The following GSTA1 variants were observed in gnomAD, a reference collection of about 807,000 sequenced individuals.
The protein encoded by GSTA1 is glutathione S-transferase alpha 1, also known as glutathione S-transferase A1.
In GSTA1, 23 loss-of-function variants were observed where a neutral mutation model predicts 21.5. That is an observed-to-expected ratio of 1.07 (90% CI 0.77 to 1.52). GSTA1 has a LOEUF of 1.52. GSTA1 is among the 40% of genes most tolerant of loss of function. GSTA1 has a pLI of 0.00. For missense variants in GSTA1, 301 were observed against 264.2 expected (o/e 1.14, Z -0.96); for synonymous variants, 125 against 90.0 (o/e 1.39, Z -2.20).
At chr6:52,796,593 G>T (rs1207899910) in intron 3 of GSTA1, among the ~76,000 whole-genome samples, 5 of 139,160 alleles carry the variant, frequency 3.6e-5, no homozygotes, top group African/African-American at 1.3e-4. Flanking sequence ...ACCCAGGCTG[G>T]AGTGGAGTGG....
chr6:52,799,104 T>A, intron 2 of GSTA1, 77 bp downstream of exon 2: 14 of 1,341,426 alleles, frequency 1.0e-5, no homozygotes, highest in Non-Finnish European at 1.5e-5. Context: ...GTAAGCAACA[T>A]CTCATAGTTT....
At position 52,796,175 on chromosome 6, in the gene GSTA1, A is replaced by G. The variant is rs774140752; in HGVS notation, c.272+7T>C. 1.2e-6 allele frequency: 2 copies of G among 1,612,744 alleles called. No individual in the cohort carries two copies. Among genetic ancestry groups the G allele is most frequent in the South Asian group, 2.2e-5 (2 of 90,974 alleles). ...CTGTGGATGGAAGAACAGAAAATAT[A>G]CCGTACAGGGCTCTCTCCTTTATGT... On this transcript the variant is annotated splice_region_variant and intron_variant, in intron 4 of 6. Coordinates refer to ENST00000334575, the MANE Select transcript of GSTA1 (RefSeq NM_145740.5).
rs905172217 is a variant in GSTA1, at chr6:52,803,663, G to C, written c.-31+122C>G. ...AACTGTCACCCAAGCACACCAAGAC[G>C]GCACAATATGAGTAAAAACAGACTT... is the stretch of plus-strand genomic sequence containing the variant. On this transcript the variant is annotated intron_variant, in intron 1 of 6. Coordinates refer to ENST00000334575, the MANE Select transcript of GSTA1 (RefSeq NM_145740.5). 2.9e-5 allele frequency: 5 copies of C among 170,254 alleles called. No homozygotes were observed. The East Asian group carries it at 4.7e-4, about 16-fold the overall frequency. The allele number at this position is 170,254 out of a possible 1,614,324, so 10.5% of individuals were successfully genotyped here. A position where few individuals can be genotyped will look rare whatever the true frequency, so the allele number is the denominator to read the frequency against.
At chr6:52,800,753 AG>A (rs1335305229) in intron 1 of GSTA1, among the ~76,000 whole-genome samples, 2 of 152,246 alleles carry the variant, frequency 1.3e-5, no homozygotes, top group African/African-American at 4.8e-5. Flanking sequence ...GCCAAGACTT[AG>A]GAACAGTTGC....
At chr6:52,795,202 CA>C (rs1220789395) in intron 4 of GSTA1, among the ~76,000 whole-genome samples, 4 of 152,146 alleles carry the variant, frequency 2.6e-5, no homozygotes, top group African/African-American at 7.2e-5. Context: ...ACATTTCATA[CA>C]AAAAGAATCC....
At chr6:52,794,868 T>C (rs757426917) in intron 4 of GSTA1, among the ~76,000 whole-genome samples, 14 of 152,188 alleles carry the variant, frequency 9.2e-5, no homozygotes, top group Non-Finnish European at 2.1e-4. Flanking sequence ...CCTTCCCTGG[T>C]GAAATTCTCT....
intron 1 of GSTA1, among the ~76,000 whole-genome samples, chr6:52,801,840 A>T (rs998867368): frequency 6.6e-6 from 1 of 152,180 alleles, no homozygotes; most frequent in Non-Finnish European, 1.5e-5. Flanking sequence ...AGATGGGCAC[A>T]CTGAGTTTCA....
chr6:52,791,581 C>A lies in GSTA1; in HGVS notation c.*277G>T. ...CAATTCTTGGAAAAGTCAAACAAAC[C>A]ACATAATCTATAGTTTCCTTTTTTA... On this transcript the variant is annotated 3_prime_UTR_variant, in exon 7 of 7. Coordinates refer to ENST00000334575, the MANE Select transcript of GSTA1 (RefSeq NM_145740.5). 2.9e-6 allele frequency: 1 copy of A among 343,396 alleles called. No individual in the cohort carries two copies. Among genetic ancestry groups the A allele is most frequent in the Non-Finnish European group, 5.3e-6 (1 of 189,238 alleles). 21.3% of individuals were successfully genotyped at this position (343,396 alleles called of 1,614,324 possible).
At chr6:52,802,407 C>A (rs1260996086) in intron 1 of GSTA1, among the ~76,000 whole-genome samples, 1 of 152,140 alleles carries the variant, frequency 6.6e-6, no homozygotes, top group Admixed American at 6.5e-5. Context: ...TCAATTTTCT[C>A]TTCTTAGAAT....
chr6:52,795,793 A>G (rs1461917463), intron 4 of GSTA1, among the ~76,000 whole-genome samples: 2 of 152,030 alleles, frequency 1.3e-5, no homozygotes, highest in East Asian at 1.9e-4. Flanking sequence ...CGTCTTTGCA[A>G]CTTTCCCTCC....
rs1287874909 is a variant in GSTA1, at chr6:52,791,888, T to C, written c.639A>G (p.Leu213=). The change falls in exon 7 of 7, where the codon TTA becomes TTG. Residue 213 remains leucine (L), a synonymous_variant. Coordinates refer to ENST00000334575, the MANE Select transcript of GSTA1 (RefSeq NM_145740.5). ...ACCTGAAAATCTTCCTTGCTTCTTC[T>C]AAAGATTTCTCATCCATGGGAGGCT... The part of the protein sequence containing the change: ...PRKPPMDEKS[L]EEARKIFRF The C allele has an allele frequency of 6.2e-7, 1 of 1,614,028 alleles. No homozygotes were observed. Among genetic ancestry groups the C allele is most frequent in the Non-Finnish European group, 8.5e-7 (1 of 1,179,894 alleles).
Position 52,791,529 on chromosome 6 carries a change from T to C in GSTA1, c.*329A>G, listed in dbSNP as rs1763454746. Reference sequence around the variant, plus strand: ...ATTTCTACATTGACATTTTAATAGATTGTATGACAAATTGTATGTTACGGG... The same window carrying C: ...ATTTCTACATTGACATTTTAATAGACTGTATGACAAATTGTATGTTACGGG... On this transcript the variant is annotated 3_prime_UTR_variant, in exon 7 of 7. Coordinates refer to ENST00000334575, the MANE Select transcript of GSTA1 (RefSeq NM_145740.5). 3.8e-6 allele frequency: 1 copy of C among 260,836 alleles called. No homozygotes were observed. Among genetic ancestry groups the C allele is most frequent in the African/African-American group, 2.3e-5 (1 of 43,994 alleles). 16.2% of individuals were successfully genotyped at this position (260,836 alleles called of 1,614,324 possible). A position where few individuals can be genotyped will look rare whatever the true frequency, so the allele number is the denominator to read the frequency against.
intron 1 of GSTA1, among the ~76,000 whole-genome samples, chr6:52,802,936 G>T (rs962135879): frequency 1.3e-5 from 2 of 152,092 alleles, no homozygotes; most frequent in African/African-American, 4.8e-5. Flanking sequence ...GAAATTTTCA[G>T]TGAATGTCCA....
At chr6:52,792,132 T>A in intron 6 of GSTA1, 152 bp from the exon 7 acceptor site, 1 of 1,149,218 alleles carries the variant, frequency 8.7e-7, no homozygotes, top group South Asian at 1.6e-5. Flanking sequence ...CAGTGAGAAA[T>A]GAAGATAAGG....
rs1428058750 is a variant in GSTA1 at position 52,794,158 on chromosome 6, T to A, written c.381A>T (p.Lys127Asn). The A allele has an allele frequency of 9.9e-6, 16 of 1,613,960 alleles. No homozygotes were observed. Among genetic ancestry groups the A allele is most frequent in the Non-Finnish European group, 1.4e-5 (16 of 1,179,952 alleles). Reference protein sequence around the residue: ...KDAKLALIKEKIKNRYFPAFE... With the variant: ...KDAKLALIKENIKNRYFPAFE... ...AGGCAGGGAAGTAGCGATTTTTTAT[T>A]TTCTCTTTGATCAAGGCAAGCTTGG... Residue 127 changes from lysine (K) to asparagine (N), a missense_variant, in exon 5 of 7, where the codon AAA becomes AAT. Coordinates refer to ENST00000334575, the MANE Select transcript of GSTA1 (RefSeq NM_145740.5).
At chr6:52,799,972 CTTGT>C (rs1304501901) in intron 1 of GSTA1, among the ~76,000 whole-genome samples, 1 of 152,186 alleles carries the variant, frequency 6.6e-6, no homozygotes, top group East Asian at 1.9e-4. Context: ...AGGCCTCAGA[CTTGT>C]TTAACTGTAG....
intron 3 of GSTA1, among the ~76,000 whole-genome samples, 175 bp from the exon 4 acceptor site, chr6:52,796,489 A>G (rs11271496): frequency 0.029 from 372 of 12,808 alleles, 1 homozygote; most frequent in African/African-American, 0.16. Context: ...ATATATATAT[A>G]TGTGTGTGTG....
chr6:52,798,128 C>A (rs6423288), intron 2 of GSTA1, among the ~76,000 whole-genome samples: 1 of 152,214 alleles, frequency 6.6e-6, no homozygotes, highest in African/African-American at 2.4e-5. Flanking sequence ...TGAAATAGGT[C>A]GCCACTGTTG....
At chr6:52,793,071 C>G (rs1322809300) in intron 5 of GSTA1, 84 bp from the exon 6 acceptor site, 3 of 1,592,924 alleles carry the variant, frequency 1.9e-6, no homozygotes, top group African/African-American at 1.3e-5. Context: ...TCCACCCTGA[C>G]TTTCCCCACC....
Sources: gnomAD v4.1 joint callset for allele counts (sites outside exome capture counted in the v4.1 genomes callset) on GRCh38, gnomAD v4.1.1 for gene constraint, MANE v1.5 for transcripts, NCBI Gene and HGNC (gene_info 2026-07-23, HGNC 2026-07-21) for gene names.